Variants in RBFOX1 observed in about 807,000 individuals in gnomAD.
The protein encoded by RBFOX1 is RNA binding fox-1 homolog 1.
In RBFOX1, 8 loss-of-function variants were observed where a neutral mutation model predicts 57.7. That is an observed-to-expected ratio of 0.14 (90% CI 0.08 to 0.25). The LOEUF is 0.25. Ranked by LOEUF, RBFOX1 falls within the 10% of genes least tolerant of loss-of-function variation. The pLI, the probability that RBFOX1 is intolerant of heterozygous loss-of-function variation, is 1.00. For missense variants in RBFOX1, 611 were observed against 548.5 expected, an observed-to-expected ratio of 1.11 and a Z score of -1.14; for synonymous variants, 326 against 222.4, an observed-to-expected ratio of 1.47 and a Z score of -4.15.
At chr16:5,984,976 A>ATATATATTTTTT (rs1359064334) in intron 4 of RBFOX1, among the ~76,000 whole-genome samples, 1 of 55,714 alleles carries the variant, frequency 1.8e-5, no homozygotes, top group African/African-American at 8.7e-5. Context: ...ATATATATAT[A>ATATATATTTTTT]TTTTTTTTTT....
intron 4 of RBFOX1, among the ~76,000 whole-genome samples, chr16:5,875,026 A>G (rs2057568616): frequency 6.6e-6 from 1 of 152,160 alleles, no homozygotes; most frequent in African/African-American, 2.4e-5. Context: ...CAGAGAGAAG[A>G]AATAGCTGAT....
intron 4 of RBFOX1, among the ~76,000 whole-genome samples, chr16:5,873,280 C>T (rs112270978): frequency 1.3e-5 from 2 of 152,176 alleles, no homozygotes; most frequent in Non-Finnish European, 2.9e-5. Context: ...CTGTATCCTG[C>T]CCTAACCAGA....
intron 1 of RBFOX1, among the ~76,000 whole-genome samples, chr16:6,271,559 C>T (rs77739969): frequency 6.6e-6 from 1 of 152,120 alleles, no homozygotes; most frequent in African/African-American, 2.4e-5. Context: ...TAAGACAAAC[C>T]TCCTGACAAA....
chr16:6,121,141 T>C (rs1205600985), intron 1 of RBFOX1, among the ~76,000 whole-genome samples: 3 of 152,182 alleles, frequency 2.0e-5, no homozygotes, highest in Non-Finnish European at 2.9e-5. Context: ...GTGTCCTGTA[T>C]GTCCAGGCAC....
intron 3 of RBFOX1, among the ~76,000 whole-genome samples, chr16:6,819,646 A>T (rs11862461): frequency 1.2e-4 from 17 of 146,780 alleles, no homozygotes; most frequent in African/African-American, 3.0e-4. Flanking sequence ...CGGAGGTTGC[A>T]GTGAGCCAGG....
intron 1 of RBFOX1, among the ~76,000 whole-genome samples, chr16:6,066,684 G>T (rs1398488436): frequency 1.3e-5 from 2 of 152,114 alleles, no homozygotes; most frequent in Non-Finnish European, 2.9e-5. Context: ...TCCCGAAATA[G>T]ATGAGTGTTT....
chr16:5,884,484 G>T (rs533853928), intron 4 of RBFOX1, among the ~76,000 whole-genome samples: 27 of 11,168 alleles, frequency 2.4e-3, no homozygotes, highest in Admixed American at 0.023. Flanking sequence ...CCCCGCCCCC[G>T]GCTAGGGTAC....
intron 3 of RBFOX1, among the ~76,000 whole-genome samples, chr16:7,000,883 T>G (rs1317373381): frequency 1.3e-5 from 2 of 152,172 alleles, no homozygotes; most frequent in African/African-American, 4.8e-5. Flanking sequence ...ATTACAGGCG[T>G]GAGCCACCGC....
At chr16:5,569,285 CT>C (rs2046185484) in intron 2 of RBFOX1, among the ~76,000 whole-genome samples, 1 of 149,404 alleles carries the variant, frequency 6.7e-6, no homozygotes, top group African/African-American at 2.5e-5. Context: ...AGCAGAGGGG[CT>C]TTGAAAAAAG....
At chr16:6,643,520 C>G (rs2098509115) in intron 2 of RBFOX1, among the ~76,000 whole-genome samples, 1 of 152,134 alleles carries the variant, frequency 6.6e-6, no homozygotes, top group African/African-American at 2.4e-5. Flanking sequence ...GAAATTTTTA[C>G]CAACATCAGA....
intron 4 of RBFOX1, among the ~76,000 whole-genome samples, chr16:5,872,789 C>T (rs1386607699): frequency 6.6e-6 from 1 of 152,042 alleles, no homozygotes; most frequent in African/African-American, 2.4e-5. Flanking sequence ...CAGAGCCTGG[C>T]ATACAGTAGA....
At chr16:7,474,242 G>A (rs1471080619) in intron 4 of RBFOX1, among the ~76,000 whole-genome samples, 4 of 152,142 alleles carry the variant, frequency 2.6e-5, no homozygotes, top group Admixed American at 6.5e-5. Context: ...AGCCGAGATC[G>A]CGCCATTGCA....
intron 1 of RBFOX1, among the ~76,000 whole-genome samples, chr16:6,315,648 G>A (rs1386929908): frequency 6.6e-6 from 1 of 152,170 alleles, no homozygotes; most frequent in Non-Finnish European, 1.5e-5. Flanking sequence ...TAGCCCATGA[G>A]ATTGGTCATT....
chr16:5,370,215 A>G (rs1304936323), intron 1 of RBFOX1, among the ~76,000 whole-genome samples: 1 of 152,178 alleles, frequency 6.6e-6, no homozygotes, highest in Non-Finnish European at 1.5e-5. Flanking sequence ...CTATTTCTGC[A>G]GAACCCAATG....
In RBFOX1 at chr16:5,795,884, C is replaced by G. The variant is rs78300543; in HGVS notation, c.319-71419C>G. ...AGCCTCACAGTCTCTGTTGCATTTT[C>G]TAATGACTTAGTTCTTTTGTTTGCT... On this transcript the variant is annotated intron_variant, in intron 3 of 19. Coordinates refer to the RBFOX1 transcript ENST00000641259. Among the ~76,000 whole-genome samples, 559 of 152,316 alleles carry G rather than the reference C, an allele frequency of 3.7e-3. 5 individuals carry two copies. Among genetic ancestry groups the G allele is most frequent in the African/African-American group, 0.013 (533 of 41,566 alleles).
intron 6 of RBFOX1, among the ~76,000 whole-genome samples, chr16:7,584,617 G>C (rs905618809): frequency 6.6e-6 from 1 of 152,184 alleles, no homozygotes; most frequent in African/African-American, 2.4e-5. Flanking sequence ...TACAGCTATT[G>C]AGAAACTTTG....
intron 4 of RBFOX1, among the ~76,000 whole-genome samples, chr16:7,116,119 C>T (rs776081831): frequency 1.4e-4 from 22 of 152,154 alleles, no homozygotes; most frequent in Non-Finnish European, 2.9e-4. Context: ...AACTGAGGCA[C>T]AGACAACAAT....
chr16:6,018,197 A>AAACGGAGGGAGGAAGG (rs1555471733), upstream of RBFOX1, among the ~76,000 whole-genome samples: 1 of 145,490 alleles, frequency 6.9e-6, no homozygotes, highest in Admixed American at 6.8e-5. Flanking sequence ...AGGAAGGAAG[A>AAACGGAGGGAGGAAGG]AAGGGAGGGA....
intron 1 of RBFOX1, among the ~76,000 whole-genome samples, chr16:6,146,316 A>G (rs2096757767): frequency 1.3e-5 from 2 of 152,126 alleles, no homozygotes; most frequent in South Asian, 2.1e-4. Flanking sequence ...GAGTCTTTCC[A>G]TTTTTAGCTG....
Sources: allele counts gnomAD v4.1 joint callset (sites outside exome capture counted in the v4.1 genomes callset), GRCh38; gene constraint gnomAD v4.1.1; transcripts MANE v1.5; gene names NCBI Gene and HGNC (gene_info 2026-07-23, HGNC 2026-07-21).